Variants in FNIP2 observed in about 807,000 individuals in gnomAD.
FNIP2 encodes the protein folliculin interacting protein 2.
FNIP2 carries 32 observed loss-of-function variants against 108.7 expected under a neutral mutation model. The ratio of observed to expected loss-of-function variants is 0.29; its 90% CI spans 0.22 to 0.40. The LOEUF (loss-of-function observed/expected upper bound fraction) is 0.40, where lower values mean the gene tolerates loss of function less well. Among genes scored for constraint, FNIP2 ranks in the 10% least tolerant of loss-of-function variants. The pLI, the probability that FNIP2 is intolerant of heterozygous loss-of-function variation, is 1.00. For missense variants in FNIP2, 1,202 were observed against 1,381.6 expected, an observed-to-expected ratio of 0.87 and a Z score of 2.06; for synonymous variants, 480 against 496.7, an observed-to-expected ratio of 0.97 and a Z score of 0.45.
intron 6 of FNIP2, chr4:158,833,888 C>T (rs1178914978): frequency 1.4e-6 from 2 of 1,417,776 alleles, no homozygotes; most frequent in Non-Finnish European, 1.9e-6. Flanking sequence ...TCTTTCTTTG[C>T]AGGTTTGTGT....
At chr4:158,845,682 C>T (rs1779364769) in intron 7 of FNIP2, among the ~76,000 whole-genome samples, 1 of 152,246 alleles carries the variant, frequency 6.6e-6, no homozygotes, top group Non-Finnish European at 1.5e-5. Flanking sequence ...CATTCAGATA[C>T]ACTGATGTTG....
chr4:158,843,003 C>T (rs367712984), intron 7 of FNIP2, among the ~76,000 whole-genome samples: 1 of 152,084 alleles, frequency 6.6e-6, no homozygotes, highest in Non-Finnish European at 1.5e-5. Flanking sequence ...TTTAAATGCT[C>T]CTGTGTTTGT....
At chr4:158,783,924 CAT>C (rs1427613922) in intron 1 of FNIP2, among the ~76,000 whole-genome samples, 5 of 152,156 alleles carry the variant, frequency 3.3e-5, no homozygotes, top group African/African-American at 9.7e-5. Context: ...GAGGAATGTA[CAT>C]GAGTCACATT....
chr4:158,775,542 C>T (rs1775832231), intron 1 of FNIP2, among the ~76,000 whole-genome samples: 1 of 150,450 alleles, frequency 6.6e-6, no homozygotes, highest in Non-Finnish European at 1.5e-5. Flanking sequence ...GCCACACAGA[C>T]ACTTTTGTAA....
intron 7 of FNIP2, among the ~76,000 whole-genome samples, chr4:158,849,842 T>C (rs775931809): frequency 6.6e-6 from 1 of 151,082 alleles, no homozygotes; most frequent in African/African-American, 2.4e-5. Flanking sequence ...AAGCATTTGC[T>C]AATTGCCTAC....
intron 1 of FNIP2, among the ~76,000 whole-genome samples, chr4:158,781,841 AC>A (rs1262881902): frequency 6.6e-6 from 1 of 151,414 alleles, no homozygotes; most frequent in African/African-American, 2.4e-5. Context: ...TTGAATTCAA[AC>A]CTGACTCTCC....
intron 16 of FNIP2, among the ~76,000 whole-genome samples, chr4:158,896,502 G>A: frequency 6.6e-6 from 1 of 151,044 alleles, no homozygotes; most frequent in East Asian, 1.9e-4. Context: ...GTACATTTGG[G>A]GAACTGCCCC....
chr4:158,905,682 C>A lies in FNIP2; in HGVS notation c.*1138C>A. 7.8e-6 allele frequency: 1 copy of A among 127,554 alleles called. No individual in the cohort carries two copies. 7.9% of individuals were successfully genotyped at this position (127,554 alleles called of 1,614,324 possible). On this transcript the variant is annotated 3_prime_UTR_variant, in exon 17 of 17. Transcript: ENST00000264433. ...GTATAAAACCGACCAAAATGATTTC[C>A]TAAAGTTCATGCAAAAAAAAAAAAA... is the stretch of plus-strand genomic sequence containing the variant.
At chr4:158,878,790 C>T (rs13115760) in intron 14 of FNIP2, among the ~76,000 whole-genome samples, 44,246 of 151,498 alleles carry the variant, frequency 0.29, 7,174 homozygotes, top group Non-Finnish European at 0.38. Flanking sequence ...AAAGTGTTTA[C>T]GGTGATAAAA....
At chr4:158,903,385 T>A (rs577642541) in intron 16 of FNIP2, among the ~76,000 whole-genome samples, 30 of 152,280 alleles carry the variant, frequency 2.0e-4, no homozygotes, top group Admixed American at 7.8e-4. Flanking sequence ...TCTGCGTCGA[T>A]CTTGCTGGGA....
At chr4:158,812,623 G>A (rs1364085330) in intron 1 of FNIP2, among the ~76,000 whole-genome samples, 1 of 151,788 alleles carries the variant, frequency 6.6e-6, no homozygotes, top group East Asian at 1.9e-4. Flanking sequence ...GCAGTTTTAG[G>A]TTCACAGCAA....
chr4:158,868,255 A>G lies in FNIP2; in HGVS notation c.1619A>G (p.Asn540Ser). The G allele has an allele frequency of 6.2e-7, 1 of 1,614,060 alleles. No homozygotes were observed. Among genetic ancestry groups the G allele is most frequent in the Non-Finnish European group, 8.5e-7 (1 of 1,179,896 alleles). The change falls in exon 13 of 17, where the codon AAT becomes AGT. Residue 540 changes from asparagine to serine, a missense_variant. Physicochemically the swap from Asn to Ser is conservative, Grantham distance 46. Around this residue, in one of 5 missense-constraint regions of FNIP2, gnomAD observed 878 missense variants for 990.3 expected, o/e 0.89. Coordinates refer to ENST00000264433, the MANE Select transcript of FNIP2 (RefSeq NM_020840.3). This position sits in a 1 kb window ranked among gnomAD's most constrained non-coding sequence, Gnocchi z 4.6. ...GAGAACCAGCTGACCTGGAGTGGCA[A>G]TCATGGTGAAGGTGACCAAGTTTTA... Reference protein sequence around the residue: ...LQENQLTWSGNHGEGDQVLNG... With the variant: ...LQENQLTWSGSHGEGDQVLNG...
intron 16 of FNIP2, among the ~76,000 whole-genome samples, chr4:158,900,816 G>A (rs953707608): frequency 6.6e-6 from 1 of 152,104 alleles, no homozygotes; most frequent in Non-Finnish European, 1.5e-5. Context: ...TTTAATTGGG[G>A]CATTTAGCCC....
chr4:158,823,304 C>T (rs1777983910), intron 1 of FNIP2, among the ~76,000 whole-genome samples: 1 of 152,134 alleles, frequency 6.6e-6, no homozygotes, highest in Non-Finnish European at 1.5e-5. Flanking sequence ...CTCCCTCTGT[C>T]ACCCAGGCTG....
chr4:158,868,172 C>G lies in FNIP2; in HGVS notation c.1536C>G (p.Asp512Glu). The G allele has an allele frequency of 6.2e-7, 1 of 1,614,046 alleles. No homozygotes were observed. Among genetic ancestry groups the G allele is most frequent in the Non-Finnish European group, 8.5e-7 (1 of 1,179,902 alleles). Residue 512 changes from aspartate to glutamate, a missense_variant, in exon 13 of 17, where the codon GAC (aspartate) becomes GAG (glutamate). By Grantham distance (45) the Asp-to-Glu change is conservative. Coordinates refer to ENST00000264433, the MANE Select transcript of FNIP2 (RefSeq NM_020840.3). This position sits in a 1 kb window ranked among gnomAD's most constrained non-coding sequence, Gnocchi z 4.6. Reference protein sequence around the residue: ...TRTVVVGKQKDLVQRILYVLT... With the variant: ...TRTVVVGKQKELVQRILYVLT... ...CCGTAGTGGTAGGGAAGCAGAAGGACTTAGTCCAGCGAATACTTTATGTCC... is the reference window on the plus strand; with the variant it reads ...CCGTAGTGGTAGGGAAGCAGAAGGAGTTAGTCCAGCGAATACTTTATGTCC...
In FNIP2 at chr4:158,875,515, GATATAT is replaced by G. The variant is rs56389652; in HGVS notation, c.2949+5067_2949+5072del. 3.1e-4 allele frequency among the ~76,000 whole-genome samples: 35 copies of G among 112,008 alleles called. 4 individuals carry two copies. The highest frequency in any genetic ancestry group is 4.3e-3 in the Middle Eastern group (1 of 230). 73.5% of individuals were successfully genotyped at this position (112,008 alleles called of 152,430 possible). A position where few individuals can be genotyped will look rare whatever the true frequency, so the allele number is the denominator to read the frequency against. ...AGAGCTTTGCTAAAAGCCTGGCTGT[GATATAT>G]ATATATATATATATATATATGCTCA... On this transcript the variant is annotated intron_variant, in intron 14 of 16. Coordinates refer to ENST00000264433, the MANE Select transcript of FNIP2 (RefSeq NM_020840.3).
At chr4:158,815,752 C>T (rs1777533157) in intron 1 of FNIP2, among the ~76,000 whole-genome samples, 1 of 152,124 alleles carries the variant, frequency 6.6e-6, no homozygotes, top group Non-Finnish European at 1.5e-5. Context: ...TATAATAAAA[C>T]CCAGAGTTCT....
At chr4:158,902,861 G>A (rs1324443512) in intron 16 of FNIP2, among the ~76,000 whole-genome samples, 1 of 152,042 alleles carries the variant, frequency 6.6e-6, no homozygotes, top group African/African-American at 2.4e-5. Flanking sequence ...GTCCCAGGTC[G>A]ACCTCAGACT....
At chr4:158,809,627 T>C (rs1340565291) in intron 1 of FNIP2, among the ~76,000 whole-genome samples, 1 of 152,262 alleles carries the variant, frequency 6.6e-6, no homozygotes, top group Non-Finnish European at 1.5e-5. Flanking sequence ...TTCTTACGGC[T>C]GTTTATATGA....
Sources: allele counts gnomAD v4.1 joint callset (sites outside exome capture counted in the v4.1 genomes callset), GRCh38; gene constraint gnomAD v4.1.1; regional missense constraint gnomAD v4.1.1; non-coding constraint Gnocchi (gnomAD v3.1); transcripts MANE v1.5; gene names NCBI Gene and HGNC (gene_info 2026-07-23, HGNC 2026-07-21).